SLC35D4: variants seen among roughly 807,000 people sequenced by gnomAD.
The protein encoded by SLC35D4 is solute carrier family 35 member D4.
the SLC35D4 span, among the ~76,000 whole-genome samples, chr18:23,409,443 C>T: frequency 6.6e-6 from 1 of 152,202 alleles, no homozygotes; most frequent in East Asian, 1.9e-4. Context: ...GTTAATCCTA[C>T]ATTTTTACTA....
chr18:23,304,554 A>G, the SLC35D4 span, among the ~76,000 whole-genome samples: 1 of 151,054 alleles, frequency 6.6e-6, no homozygotes. Context: ...TTCTCTTTAT[A>G]TATAGAAAGA....
the SLC35D4 span, among the ~76,000 whole-genome samples, chr18:23,387,814 C>A: frequency 6.6e-6 from 1 of 151,888 alleles, no homozygotes; most frequent in Admixed American, 6.6e-5. Flanking sequence ...ACTATTTTAG[C>A]TTCTATTTTT....
chr18:23,423,099 G>C, the SLC35D4 span, among the ~76,000 whole-genome samples: 14 of 152,252 alleles, frequency 9.2e-5, no homozygotes, highest in East Asian at 2.7e-3. Flanking sequence ...GTCAGCTCCT[G>C]TCTGTCTGCT....
chr18:23,375,413 G>A, the SLC35D4 span, among the ~76,000 whole-genome samples: 6 of 152,068 alleles, frequency 3.9e-5, no homozygotes, highest in African/African-American at 1.4e-4. Flanking sequence ...TGATATTTAT[G>A]TATGTTTATG....
the SLC35D4 span, among the ~76,000 whole-genome samples, chr18:23,274,904 C>T: frequency 0.02 from 3,066 of 152,132 alleles, 106 homozygotes; most frequent in African/African-American, 0.071. Flanking sequence ...CGTGTGAATG[C>T]GGGAGTGTGT....
At chr18:23,342,005 T>C in the SLC35D4 span, among the ~76,000 whole-genome samples, 2 of 149,808 alleles carry the variant, frequency 1.3e-5, no homozygotes, top group South Asian at 4.2e-4. Flanking sequence ...AAAAAAAAAA[T>C]GTCCTAAATC....
the SLC35D4 span, among the ~76,000 whole-genome samples, chr18:23,344,644 C>T: frequency 1.3e-5 from 2 of 148,200 alleles, no homozygotes; most frequent in Non-Finnish European, 1.5e-5. Flanking sequence ...CTCTGTCGCC[C>T]AGGCTGGAGT....
the SLC35D4 span, among the ~76,000 whole-genome samples, chr18:23,377,176 C>G: frequency 6.6e-6 from 1 of 152,184 alleles, no homozygotes; most frequent in African/African-American, 2.4e-5. Context: ...TACGCTGTAG[C>G]TGAGGAAACT....
chr18:23,354,345 C>CCA, the SLC35D4 span, among the ~76,000 whole-genome samples: 1 of 99,124 alleles, frequency 1.0e-5, no homozygotes, highest in Admixed American at 1.3e-4. Flanking sequence ...ACTAAAAATA[C>CCA]AAAAAAAAAA....
At chr18:23,246,121 G>A in the SLC35D4 span, among the ~76,000 whole-genome samples, 2 of 152,116 alleles carry the variant, frequency 1.3e-5, no homozygotes, top group South Asian at 2.1e-4. Context: ...AAAATTAGCC[G>A]GGTGTGGTGG....
chr18:23,354,635 G>C, the SLC35D4 span, among the ~76,000 whole-genome samples: 7 of 152,190 alleles, frequency 4.6e-5, no homozygotes, highest in African/African-American at 1.7e-4. Context: ...ACCCAAGGAA[G>C]TAACAACTTC....
At chr18:23,419,379 G>A in the SLC35D4 span, among the ~76,000 whole-genome samples, 1 of 151,828 alleles carries the variant, frequency 6.6e-6, no homozygotes, top group Non-Finnish European at 1.5e-5. Context: ...TGCAACCTCC[G>A]CCTCCTGGGT....
At chr18:23,373,583 A>G in the SLC35D4 span, 1 of 1,024,676 alleles carries the variant, frequency 9.8e-7, no homozygotes, top group Non-Finnish European at 1.5e-6. Flanking sequence ...AGCCTGCAAG[A>G]TTTGGAATGC....
the SLC35D4 span, among the ~76,000 whole-genome samples, chr18:23,285,735 CTCAGCCTCCGCT>C: frequency 6.6e-6 from 1 of 152,148 alleles, no homozygotes; most frequent in African/African-American, 2.4e-5. Context: ...CCAATTCTTC[CTCAGCCTCCGCT>C]TCTCCACCCT....
the SLC35D4 span, chr18:23,430,731 AC>A: frequency 1.4e-5 from 21 of 1,479,378 alleles, no homozygotes; most frequent in Admixed American, 3.8e-4. Flanking sequence ...AAACTGACAA[AC>A]CATATAATCA....
chr18:23,352,148 G>A, the SLC35D4 span: 1 of 1,526,334 alleles, frequency 6.6e-7, no homozygotes, highest in Non-Finnish European at 8.9e-7. Context: ...GAGATCTTTG[G>A]ATACACAGGC....
At chr18:23,312,017 C>A in the SLC35D4 span, among the ~76,000 whole-genome samples, 1 of 152,220 alleles carries the variant, frequency 6.6e-6, no homozygotes, top group Non-Finnish European at 1.5e-5. Flanking sequence ...GAACACTTCG[C>A]TTGATTTATA....
the SLC35D4 span, among the ~76,000 whole-genome samples, chr18:23,413,253 T>G: frequency 6.6e-6 from 1 of 152,240 alleles, no homozygotes; most frequent in African/African-American, 2.4e-5. Context: ...TCCCACTTCA[T>G]GTTTCATTTT....
At chr18:23,369,956 G>A in the SLC35D4 span, among the ~76,000 whole-genome samples, 5 of 152,166 alleles carry the variant, frequency 3.3e-5, no homozygotes, top group African/African-American at 7.2e-5. Flanking sequence ...CGAGGCGGGC[G>A]GATCACCTGA....
Sources: allele counts gnomAD v4.1 joint callset (sites outside exome capture counted in the v4.1 genomes callset), GRCh38; gene constraint gnomAD v4.1.1; transcripts MANE v1.5; gene names NCBI Gene and HGNC (gene_info 2026-07-23, HGNC 2026-07-21).